Variants in DAB1 observed in about 807,000 individuals in gnomAD.
DAB1 encodes the protein DAB adaptor protein 1.
In DAB1, 15 loss-of-function variants were observed where a neutral mutation model predicts 64.6. The observed-to-expected ratio is 0.23, with a 90% CI of 0.16 to 0.36. The LOEUF (loss-of-function observed/expected upper bound fraction) is 0.36, where lower values mean the gene tolerates loss of function less well. Among genes scored for constraint, DAB1 ranks in the 10% least tolerant of loss-of-function variants. The probability of loss-of-function intolerance (pLI) is 1.00; values close to 1 mark genes in which losing one functional copy is unlikely to be tolerated. For synonymous variants in DAB1, 235 were observed against 251.9 expected, an observed-to-expected ratio of 0.93 and a Z score of 0.64; for missense variants, 596 against 706.7, an observed-to-expected ratio of 0.84 and a Z score of 1.78.
intron 1 of DAB1, among the ~76,000 whole-genome samples, chr1:57,834,239 A>C (rs1166495327): frequency 6.6e-6 from 1 of 152,216 alleles, no homozygotes; most frequent in Non-Finnish European, 1.5e-5. Context: ...TGTGAAGTAC[A>C]AAATGAAGCT....
At chr1:58,434,238 A>G (rs1478116327) in intron 3 of DAB1, among the ~76,000 whole-genome samples, 2 of 152,172 alleles carry the variant, frequency 1.3e-5, no homozygotes, top group East Asian at 1.9e-4. Context: ...CAGAATTAGC[A>G]TAAGAGGCTA....
intron 1 of DAB1, among the ~76,000 whole-genome samples, chr1:57,868,934 G>T (rs1369455270): frequency 1.3e-5 from 2 of 152,032 alleles, no homozygotes; most frequent in African/African-American, 4.8e-5. Flanking sequence ...ATGCCTTCAA[G>T]ATTTTTTTCC....
intron 6 of DAB1, among the ~76,000 whole-genome samples, chr1:57,674,401 T>C (rs1646542509): frequency 1.3e-5 from 2 of 152,176 alleles, no homozygotes; most frequent in Admixed American, 6.6e-5. Flanking sequence ...AGACTCTTTT[T>C]CCCCACCATG....
chr1:57,346,827 A>G (rs1346773623), intron 1 of DAB1, among the ~76,000 whole-genome samples: 1 of 152,108 alleles, frequency 6.6e-6, no homozygotes, highest in Non-Finnish European at 1.5e-5. Flanking sequence ...AAGTCTCATT[A>G]CTCCATACTA....
At chr1:58,208,524 A>G (rs900843059) in intron 4 of DAB1, among the ~76,000 whole-genome samples, 23 of 152,278 alleles carry the variant, frequency 1.5e-4, no homozygotes, top group East Asian at 9.6e-4. Flanking sequence ...GCTCCCACTT[A>G]TAAGTGAGAA....
chr1:57,551,849 A>G (rs1261004987), intron 7 of DAB1, among the ~76,000 whole-genome samples: 1 of 152,182 alleles, frequency 6.6e-6, no homozygotes, highest in Non-Finnish European at 1.5e-5. Context: ...TCTTTCCCCA[A>G]GACTTGAAAC....
chr1:57,771,321 C>T (rs1211387468), intron 6 of DAB1, among the ~76,000 whole-genome samples: 1 of 151,998 alleles, frequency 6.6e-6, no homozygotes, highest in Non-Finnish European at 1.5e-5. Context: ...GTAATTTATC[C>T]ACATCTCTGA....
intron 4 of DAB1, among the ~76,000 whole-genome samples, chr1:57,091,568 A>T (rs1653682281): frequency 6.6e-6 from 1 of 152,170 alleles, no homozygotes; most frequent in Non-Finnish European, 1.5e-5. Context: ...ATGCCTTCTG[A>T]TTCAGAAGTT....
At chr1:58,152,955 T>C (rs999217698) in intron 4 of DAB1, among the ~76,000 whole-genome samples, 2 of 152,212 alleles carry the variant, frequency 1.3e-5, no homozygotes, top group African/African-American at 4.8e-5. Flanking sequence ...TCCTTTGTCT[T>C]CAAAGCTCCA....
chr1:58,390,846 G>A (rs1243017148), intron 3 of DAB1, among the ~76,000 whole-genome samples: 1 of 152,168 alleles, frequency 6.6e-6, no homozygotes, highest in Non-Finnish European at 1.5e-5. Flanking sequence ...CGCAGGTGGT[G>A]AGTCTAATGT....
chr1:57,369,242 A>C (rs1392092723), intron 1 of DAB1, among the ~76,000 whole-genome samples: 2 of 152,232 alleles, frequency 1.3e-5, no homozygotes, highest in Non-Finnish European at 2.9e-5. Context: ...ACATAGCAAG[A>C]GTTTAATCAA....
At position 58,105,352 on chromosome 1, in the gene DAB1, G is replaced by A. The variant is rs148691826; in HGVS notation, n.387+45159C>T. Among the ~76,000 whole-genome samples the A allele has an allele frequency of 9.3e-4, 142 of 152,332 alleles. 1 individual carries two copies. The highest frequency in any genetic ancestry group is 3.0e-3 in the African/African-American group (124 of 41,574). ...CATTAGAAGGACCTTCCTTGCTGGA[G>A]CTCTTTATTGCCCATAAATACAAGG... is the stretch of plus-strand genomic sequence containing the variant. On this transcript the variant is annotated intron_variant and non_coding_transcript_variant, in intron 5 of 20. Transcript: ENST00000485760.
chr1:58,470,063 CAA>C (rs928357511), intron 3 of DAB1, among the ~76,000 whole-genome samples: 1 of 151,778 alleles, frequency 6.6e-6, no homozygotes, highest in African/African-American at 2.4e-5. Flanking sequence ...TCCCATTTGA[CAA>C]AGAGGGAATT....
At chr1:58,120,723 TGAA>T (rs922475270) in intron 5 of DAB1, among the ~76,000 whole-genome samples, 60 of 152,290 alleles carry the variant, frequency 3.9e-4, no homozygotes, top group African/African-American at 1.3e-3. Context: ...CTGAAATCAA[TGAA>T]GAAGAACCAC....
chr1:57,329,532 T>A (rs1186654269), intron 1 of DAB1, among the ~76,000 whole-genome samples: 4 of 152,068 alleles, frequency 2.6e-5, no homozygotes, highest in Non-Finnish European at 5.9e-5. Flanking sequence ...ATCATCTGTG[T>A]CTTTGAAACC....
At chr1:57,780,173 T>A (rs1299119357) in intron 6 of DAB1, among the ~76,000 whole-genome samples, 1 of 152,106 alleles carries the variant, frequency 6.6e-6, no homozygotes, top group Non-Finnish European at 1.5e-5. Flanking sequence ...CTCTTAAATT[T>A]AAAAATATAT....
At chr1:57,317,244 G>C (rs1041676610) in intron 1 of DAB1, among the ~76,000 whole-genome samples, 1 of 152,160 alleles carries the variant, frequency 6.6e-6, no homozygotes, top group Non-Finnish European at 1.5e-5. Flanking sequence ...CCTGGAAACA[G>C]ATCCATCCCG....
Position 57,677,528 on chromosome 1 carries a change from C to T in DAB1, n.552-27863G>A, listed in dbSNP as rs539667705. On this transcript the variant is annotated intron_variant and non_coding_transcript_variant, in intron 6 of 20. Transcript: ENST00000485760. Reference sequence around the variant, plus strand: ...CTGCATTCCAGGCCTTCCTCTGGACCGCCACAACACTATGTGCACACCTTG... The same window carrying T: ...CTGCATTCCAGGCCTTCCTCTGGACTGCCACAACACTATGTGCACACCTTG... Among the ~76,000 whole-genome samples the T allele has an allele frequency of 5.9e-5, 9 of 152,254 alleles. No homozygotes were observed. In the South Asian group the frequency reaches 8.3e-4, roughly 14 times the overall value.
At chr1:58,295,881 AG>A (rs1205742658) in intron 4 of DAB1, among the ~76,000 whole-genome samples, 1 of 145,988 alleles carries the variant, frequency 6.8e-6, no homozygotes, top group East Asian at 3.1e-4. Context: ...ACTTGAGGTC[AG>A]GGGGTCGAGA....
Sources: allele counts gnomAD v4.1 joint callset (sites outside exome capture counted in the v4.1 genomes callset), GRCh38; gene constraint gnomAD v4.1.1; transcripts MANE v1.5; gene names NCBI Gene and HGNC (gene_info 2026-07-23, HGNC 2026-07-21).